KCNH1: variants seen among roughly 807,000 people sequenced by gnomAD.
The protein encoded by KCNH1 is potassium voltage-gated channel subfamily H member 1.
In KCNH1, 27 loss-of-function variants were observed where a neutral mutation model predicts 69.2. That is an observed-to-expected ratio of 0.39 (90% CI 0.29 to 0.54). The LOEUF (loss-of-function observed/expected upper bound fraction) is 0.54, where lower values mean the gene tolerates loss of function less well. KCNH1 is among the 20% of genes least tolerant of loss of function. The probability of loss-of-function intolerance (pLI) is 0.68; values close to 1 mark genes in which losing one functional copy is unlikely to be tolerated. For missense variants in KCNH1, 798 were observed against 1,261.6 expected (o/e 0.63, Z 5.57); for synonymous variants, 456 against 487.7 (o/e 0.93, Z 0.86).
At chr1:210,936,841 T>C (rs1395758682) in intron 6 of KCNH1, among the ~76,000 whole-genome samples, 1 of 152,126 alleles carries the variant, frequency 6.6e-6, no homozygotes, top group African/African-American at 2.4e-5. Context: ...CTCTGAAATC[T>C]TACACACTAG....
At chr1:210,988,526 A>G (rs933445732) in intron 6 of KCNH1, among the ~76,000 whole-genome samples, 2 of 152,222 alleles carry the variant, frequency 1.3e-5, no homozygotes, top group Non-Finnish European at 2.9e-5. Flanking sequence ...ACAATAATAC[A>G]TGCCATGTCT....
At chr1:210,970,277 C>T (rs1415679864) in intron 6 of KCNH1, among the ~76,000 whole-genome samples, 3 of 150,002 alleles carry the variant, frequency 2.0e-5, no homozygotes, top group East Asian at 3.9e-4. Context: ...TCCCCCACCC[C>T]CAACAGGCCC....
At chr1:210,850,256 T>C (rs573942610) in intron 7 of KCNH1, among the ~76,000 whole-genome samples, 4 of 152,118 alleles carry the variant, frequency 2.6e-5, no homozygotes, top group African/African-American at 9.6e-5. Flanking sequence ...CCCATCCTTT[T>C]GGGAGGCTGA....
chr1:211,047,332 A>C (rs901888531), intron 5 of KCNH1, among the ~76,000 whole-genome samples: 8 of 152,212 alleles, frequency 5.3e-5, no homozygotes, highest in African/African-American at 1.7e-4. Context: ...CATATTAAAC[A>C]ACAAAATAAT....
chr1:211,127,868 A>C lies in KCNH1; in HGVS notation c.79+5999T>G, dbSNP rs532635673. Among the ~76,000 whole-genome samples, 18 of 152,360 alleles carry C rather than the reference A, an allele frequency of 1.2e-4. 1 individual carries two copies. In the South Asian group the frequency reaches 3.7e-3, roughly 32 times the overall value. Reference sequence around the variant, plus strand: ...ACACCCAAGAGAAATGTGTGCCCACATGCTCCAAAAGACATACTAAAAATG... The same window carrying C: ...ACACCCAAGAGAAATGTGTGCCCACCTGCTCCAAAAGACATACTAAAAATG... On this transcript the variant is annotated intron_variant, in intron 1 of 10. Coordinates refer to ENST00000271751, the MANE Select transcript of KCNH1 (RefSeq NM_172362.3).
At chr1:210,713,633 G>A (rs1456978234) in intron 10 of KCNH1, among the ~76,000 whole-genome samples, 1 of 152,114 alleles carries the variant, frequency 6.6e-6, no homozygotes, top group Non-Finnish European at 1.5e-5. Context: ...ATGGGGGGAA[G>A]AACATCCCAT....
intron 10 of KCNH1, among the ~76,000 whole-genome samples, chr1:210,758,164 G>A (rs116019394): frequency 6.6e-6 from 1 of 152,162 alleles, no homozygotes; most frequent in Non-Finnish European, 1.5e-5. Flanking sequence ...GTCCACAGAT[G>A]GTACCTTTTT....
chr1:210,718,643 T>C (rs1006305538), intron 10 of KCNH1, among the ~76,000 whole-genome samples: 4 of 66,810 alleles, frequency 6.0e-5, no homozygotes, highest in Non-Finnish European at 1.0e-4. Flanking sequence ...TATATATACA[T>C]ATATATATAC....
chr1:210,804,399 G>C (rs1219987673), intron 7 of KCNH1, among the ~76,000 whole-genome samples: 1 of 152,212 alleles, frequency 6.6e-6, no homozygotes, highest in African/African-American at 2.4e-5. Flanking sequence ...TGGGAGACAG[G>C]GCTAGGGTGC....
chr1:210,884,212 A>G (rs1686554855), intron 7 of KCNH1, among the ~76,000 whole-genome samples: 1 of 152,172 alleles, frequency 6.6e-6, no homozygotes, highest in South Asian at 2.1e-4. Flanking sequence ...GCCAAGAACA[A>G]ACTAAGCCCC....
chr1:210,777,509 T>A (rs1683884979), intron 9 of KCNH1, among the ~76,000 whole-genome samples: 1 of 152,228 alleles, frequency 6.6e-6, no homozygotes, highest in African/African-American at 2.4e-5. Flanking sequence ...CTGGGGTCAG[T>A]AGAGGGAAAT....
chr1:210,949,650 G>T lies in KCNH1; in HGVS notation c.1033-29581C>A, dbSNP rs549461619. ...CAAAACAGCACTTCATAAATGCAAT[G>T]AATCGGTTGCACCAGCCAATGCCCA... is the stretch of plus-strand genomic sequence containing the variant. On this transcript the variant is annotated intron_variant, in intron 6 of 10. Coordinates refer to ENST00000271751, the MANE Select transcript of KCNH1 (RefSeq NM_172362.3). Among the ~76,000 whole-genome samples, 3 of 152,304 alleles carry T rather than the reference G, an allele frequency of 2.0e-5. No individual in the cohort carries two copies. In the East Asian group the frequency reaches 5.8e-4, roughly 29 times the overall value.
chr1:211,004,230 A>G (rs1403488618), intron 6 of KCNH1, among the ~76,000 whole-genome samples: 2 of 152,250 alleles, frequency 1.3e-5, no homozygotes, highest in African/African-American at 4.8e-5. Flanking sequence ...AGCAGACTAA[A>G]TAAATGCTAA....
At chr1:210,716,223 G>C (rs1315334177) in intron 10 of KCNH1, among the ~76,000 whole-genome samples, 1 of 151,934 alleles carries the variant, frequency 6.6e-6, no homozygotes, top group African/African-American at 2.4e-5. Context: ...CACGAGGTCA[G>C]AAGATCGAGA....
In KCNH1 at chr1:210,757,062, C is replaced by T. The variant is rs73069514; in HGVS notation, c.2112+18286G>A. Among the ~76,000 whole-genome samples, 1,360 of 152,308 alleles carry T rather than the reference C, an allele frequency of 8.9e-3. 19 individuals carry two copies. Among genetic ancestry groups the T allele is most frequent in the African/African-American group, 0.031 (1,286 of 41,558 alleles). On this transcript the variant is annotated intron_variant, in intron 10 of 10. Transcript: ENST00000271751. ...CAATCATCTTGCTTTTGTGCTGCAC[C>T]TCTTCCAATTGGTGACTCTATTTCT...
chr1:210,778,559 G>T (rs1421567647), intron 9 of KCNH1, among the ~76,000 whole-genome samples: 1 of 149,734 alleles, frequency 6.7e-6, no homozygotes, highest in Non-Finnish European at 1.5e-5. Context: ...TTACCTGCCA[G>T]GTTACGTAAT....
intron 9 of KCNH1, among the ~76,000 whole-genome samples, chr1:210,784,002 G>C (rs1684043387): frequency 6.6e-6 from 1 of 152,206 alleles, no homozygotes; most frequent in African/African-American, 2.4e-5. Context: ...GACTCTGGCA[G>C]CACATTCAGA....
chr1:210,862,085 A>G (rs1043957067), intron 7 of KCNH1: 7 of 878,690 alleles, frequency 8.0e-6, no homozygotes, highest in African/African-American at 4.9e-5. Context: ...TGACCAGGCC[A>G]ATACTGTGTT....
At chr1:210,845,033 A>T (rs2102458210) in intron 7 of KCNH1, among the ~76,000 whole-genome samples, 1 of 152,334 alleles carries the variant, frequency 6.6e-6, no homozygotes, top group East Asian at 1.9e-4. Flanking sequence ...ACCAGGAAGA[A>T]GTTGAATCTC....
Sources: gnomAD v4.1 joint callset for allele counts (sites outside exome capture counted in the v4.1 genomes callset) on GRCh38, gnomAD v4.1.1 for gene constraint, MANE v1.5 for transcripts, NCBI Gene and HGNC (gene_info 2026-07-23, HGNC 2026-07-21) for gene names.